The following ZNF875 variants were observed in gnomAD, a reference collection of about 807,000 sequenced individuals.
The protein encoded by ZNF875 is HKR1, GLI-Kruppel zinc finger family member.
In ZNF875, 14 loss-of-function variants were observed where a neutral mutation model predicts 11.2. The ratio of observed to expected loss-of-function variants is 1.26; its 90% CI spans 0.83 to 1.96. The LOEUF is 1.96. ZNF875 is among the 30% of genes most tolerant of loss of function. ZNF875 has a pLI of 0.00. For missense variants in ZNF875, 752 were observed against 760.4 expected, an observed-to-expected ratio of 0.99 and a Z score of 0.13; for synonymous variants, 301 against 281.1, an observed-to-expected ratio of 1.07 and a Z score of -0.71.
Position 37,363,237 on chromosome 19 carries a change from A to C in ZNF875, c.1385A>C (p.Lys462Thr). 1 of 1,614,080 alleles carries C rather than the reference A, an allele frequency of 6.2e-7. No homozygotes were observed. Among genetic ancestry groups the C allele is most frequent in the Non-Finnish European group, 8.5e-7 (1 of 1,179,994 alleles). Residue 462 changes from lysine (K) to threonine (T), a missense_variant, in exon 5 of 5, where the codon AAG (lysine) becomes ACG (threonine). Transcript: ENST00000392153. ...GAGTGCGGGCAGTGCTTTAGCCTGA[A>C]GTCAAACCTTAACAAACACCAGAGG... is the stretch of plus-strand genomic sequence containing the variant. ...CLECGQCFSL[K>T]SNLNKHQRSH...
exon 1 of ZNF875, chr19:37,318,107 C>G (rs988117421): frequency 1.9e-5 from 3 of 154,454 alleles, no homozygotes; most frequent in African/African-American, 7.2e-5. Flanking sequence ...CTTCCCCATC[C>G]GTCCACCGGA....
At chr19:37,348,737 T>C (rs1346120235) in intron 4 of ZNF875, among the ~76,000 whole-genome samples, 1 of 152,240 alleles carries the variant, frequency 6.6e-6, no homozygotes, top group Admixed American at 6.5e-5. Context: ...AGAATGTTGC[T>C]GTGAACCTTC....
In ZNF875 at chr19:37,363,614, CAT is replaced by C. The variant is rs749838821; in HGVS notation, c.1763_1764del (p.His588ArgfsTer10). Reference protein sequence around the residue: ...HQRAHAGGKPHVCRECGQGFS... With the variant: ...HQRAHAGGKPXVCRECGQGFS... ...GAGAGCACACGCAGGGGGGAAGCCTCATGTGTGCAGGGAGTGTGGGCAAGGCT... is the reference window on the plus strand; with the variant it reads ...GAGAGCACACGCAGGGGGGAAGCCTCGTGTGCAGGGAGTGTGGGCAAGGCT... On this transcript the variant is annotated frameshift_variant, in exon 5 of 5. Coordinates refer to ENST00000392153, the MANE Select transcript of ZNF875 (RefSeq NM_001353803.2). LOFTEE classifies it low-confidence loss of function (END_TRUNC). The C allele has an allele frequency of 8.9e-5, 143 of 1,598,738 alleles. No individual in the cohort carries two copies. The highest frequency in any genetic ancestry group is 1.7e-4 in the Middle Eastern group (1 of 6,004).
chr19:37,320,632 C>T (rs2031228703), intron 1 of ZNF875, among the ~76,000 whole-genome samples: 1 of 152,188 alleles, frequency 6.6e-6, no homozygotes, highest in Non-Finnish European at 1.5e-5. Flanking sequence ...TGTCTGGCCT[C>T]AGCACAGAAG....
chr19:37,333,719 C>A (rs117745153), upstream of ZNF875, among the ~76,000 whole-genome samples: 1 of 152,096 alleles, frequency 6.6e-6, no homozygotes, highest in South Asian at 2.1e-4. Context: ...CTGCTTGATG[C>A]CCTAGAAGCC....
chr19:37,324,120 T>G (rs1377986374), intron 3 of ZNF875: 1 of 152,172 alleles, frequency 6.6e-6, no homozygotes, highest in Non-Finnish European at 1.5e-5. Flanking sequence ...TTTTGTTACT[T>G]TTTGCATAAA....
intron 4 of ZNF875, among the ~76,000 whole-genome samples, chr19:37,329,273 G>T (rs1259970588): frequency 6.6e-6 from 1 of 152,138 alleles, no homozygotes; most frequent in Non-Finnish European, 1.5e-5. Context: ...GCACCACCCA[G>T]CTTGGGTATC....
intron 2 of ZNF875, among the ~76,000 whole-genome samples, chr19:37,339,871 C>T (rs2035324539): frequency 1.3e-5 from 2 of 151,726 alleles, no homozygotes. Context: ...GCCCTGAACC[C>T]TGCCAGTTCT....
At chr19:37,358,137 T>C in intron 4 of ZNF875, 3 of 296,268 alleles carry the variant, frequency 1.0e-5, no homozygotes, top group Non-Finnish European at 6.0e-6. Context: ...GATGATCTTT[T>C]TTTTTTTTTT....
At chr19:37,322,406 C>T (rs1189708646) in intron 2 of ZNF875, among the ~76,000 whole-genome samples, 2 of 152,142 alleles carry the variant, frequency 1.3e-5, no homozygotes, top group African/African-American at 4.8e-5. Context: ...TTTTCATTTT[C>T]TTCTTTTTCT....
At chr19:37,319,301 C>T (rs2030802387) in intron 1 of ZNF875, among the ~76,000 whole-genome samples, 1 of 144,158 alleles carries the variant, frequency 6.9e-6, no homozygotes, top group Non-Finnish European at 1.5e-5. Context: ...CCGCCTGGGC[C>T]TCCCAAAGTG....
At position 37,363,736 on chromosome 19, in the gene ZNF875, G is replaced by A. The variant is rs752538421; in HGVS notation, c.1884G>A (p.Lys628=). The A allele has an allele frequency of 6.2e-7, 1 of 1,613,692 alleles. No individual in the cohort carries two copies. Among genetic ancestry groups the A allele is most frequent in the Non-Finnish European group, 8.5e-7 (1 of 1,179,916 alleles). The stretch of plus-strand genomic sequence containing the variant: ...AGTGTGGACGGGGCTTTAGTCGGAA[G>A]TCCAACCTTATCAGACATCAGAGGA... ...CRKCGRGFSR[K]SNLIRHQRTH... The change falls in exon 5 of 5, where the codon AAG becomes AAA. Residue 628 remains lysine (K), a synonymous_variant. Coordinates refer to ENST00000392153, the MANE Select transcript of ZNF875 (RefSeq NM_001353803.2).
upstream of ZNF875, among the ~76,000 whole-genome samples, chr19:37,333,040 A>G (rs73025467): frequency 1.3e-5 from 2 of 152,086 alleles, no homozygotes; most frequent in South Asian, 2.1e-4. Context: ...ATTTCTGTAG[A>G]GTTTCATTCT....
chr19:37,344,423 T>C (rs1454343335), intron 2 of ZNF875, among the ~76,000 whole-genome samples: 1 of 152,166 alleles, frequency 6.6e-6, no homozygotes, highest in East Asian at 1.9e-4. Flanking sequence ...GGAACACACA[T>C]TGAGCCAGTG....
At chr19:37,327,868 G>C (rs1437010156) in intron 4 of ZNF875, among the ~76,000 whole-genome samples, 1 of 152,092 alleles carries the variant, frequency 6.6e-6, no homozygotes, top group Non-Finnish European at 1.5e-5. Flanking sequence ...AGGTTCATAA[G>C]AAATGGGTGT....
rs61142979 is a variant in ZNF875, at chr19:37,350,799, C to CTTTTTT, written c.256+2944_256+2949dup. Among the ~76,000 whole-genome samples the CTTTTTT allele has an allele frequency of 3.4e-4, 31 of 91,238 alleles. No individual in the cohort carries two copies. In the East Asian group the frequency reaches 7.5e-3, roughly 22 times the overall value. 59.9% of individuals were successfully genotyped at this position (91,238 alleles called of 152,430 possible). A position where few individuals can be genotyped will look rare whatever the true frequency, so the allele number is the denominator to read the frequency against. ...TTCCCCATCACTATAATTCTTTTTG[C>CTTTTTT]TTTTTTTTTTTTTTTTTTTTTTGAG... is the stretch of plus-strand genomic sequence containing the variant. On this transcript the variant is annotated intron_variant, in intron 4 of 4. Coordinates refer to ENST00000392153, the MANE Select transcript of ZNF875 (RefSeq NM_001353803.2).
Position 37,363,533 on chromosome 19 carries a change from G to T in ZNF875, c.1681G>T (p.Val561Leu). The T allele has an allele frequency of 6.2e-7, 1 of 1,612,682 alleles. No homozygotes were observed. Among genetic ancestry groups the T allele is most frequent in the Non-Finnish European group, 8.5e-7 (1 of 1,179,112 alleles). The change falls in exon 5 of 5, where the codon GTG becomes TTG. Residue 561 changes from valine to leucine, a missense_variant. Physicochemically the swap from Val to Leu is conservative, Grantham distance 32. Coordinates refer to ENST00000392153, the MANE Select transcript of ZNF875 (RefSeq NM_001353803.2). ...RHKRAHSGAF[V>L]CRECGQGFCA... ...CAAGAGGGCACACTCAGGTGCCTTTGTGTGCAGGGAGTGTGGGCAAGGCTT... is the reference window on the plus strand; with the variant it reads ...CAAGAGGGCACACTCAGGTGCCTTTTTGTGCAGGGAGTGTGGGCAAGGCTT...
At chr19:37,344,802 T>A in intron 2 of ZNF875, 1 of 1,320,298 alleles carries the variant, frequency 7.6e-7, no homozygotes, top group Non-Finnish European at 1.1e-6. Flanking sequence ...AAAGTAACAC[T>A]AATTGCTCTG....
At chr19:37,319,323 G>A (rs1353708688) in intron 1 of ZNF875, among the ~76,000 whole-genome samples, 8 of 117,990 alleles carry the variant, frequency 6.8e-5, no homozygotes, top group Non-Finnish European at 1.0e-4. Context: ...TGGGATTACA[G>A]GTGTGCTCCA....
Sources: allele counts gnomAD v4.1 joint callset (sites outside exome capture counted in the v4.1 genomes callset), GRCh38; gene constraint gnomAD v4.1.1; transcripts MANE v1.5; gene names NCBI Gene and HGNC (gene_info 2026-07-23, HGNC 2026-07-21).